TPRG1: variants seen among roughly 807,000 people sequenced by gnomAD.
TPRG1 encodes the protein tumor protein p63-regulated gene 1 protein.
In TPRG1, 29 loss-of-function variants were observed where a neutral mutation model predicts 29.3. The observed-to-expected ratio is 0.99, with a 90% CI of 0.74 to 1.35. The LOEUF is 1.35. Among genes scored for constraint, TPRG1 ranks in the 40% most tolerant of loss-of-function variants. The pLI, the probability that TPRG1 is intolerant of heterozygous loss-of-function variation, is 0.00. For synonymous variants in TPRG1, 130 were observed against 116.8 expected (o/e 1.11, Z -0.73); for missense variants, 327 against 335.0 (o/e 0.98, Z 0.19).
chr3:189,089,325 C>T (rs1039200808), intron 4 of TPRG1, among the ~76,000 whole-genome samples: 1 of 152,114 alleles, frequency 6.6e-6, no homozygotes, highest in Non-Finnish European at 1.5e-5. Context: ...TTTCAAGATT[C>T]TTCTGTAGTC....
intron 4 of TPRG1, among the ~76,000 whole-genome samples, chr3:189,244,497 C>A (rs978611361): frequency 2.0e-5 from 3 of 152,098 alleles, no homozygotes; most frequent in African/African-American, 4.8e-5. Context: ...TCTAGAGAGG[C>A]CTCAGGAAGT....
At chr3:189,049,493 A>G (rs1031164490) in intron 4 of TPRG1, among the ~76,000 whole-genome samples, 1 of 152,138 alleles carries the variant, frequency 6.6e-6, no homozygotes, top group African/African-American at 2.4e-5. Context: ...CCACAGCAAG[A>G]CTGGTCCGAG....
At chr3:189,137,140 A>G (rs540278706) in intron 3 of TPRG1, among the ~76,000 whole-genome samples, 50 of 152,332 alleles carry the variant, frequency 3.3e-4, no homozygotes, top group African/African-American at 1.2e-3. Flanking sequence ...TGATTTTGCC[A>G]CGCCTGCTTT....
chr3:189,251,517 G>T (rs1041122290), intron 4 of TPRG1, among the ~76,000 whole-genome samples: 1 of 152,092 alleles, frequency 6.6e-6, no homozygotes, highest in Non-Finnish European at 1.5e-5. Context: ...GGAGGATCCC[G>T]CCAGCCTCTG....
intron 4 of TPRG1, among the ~76,000 whole-genome samples, chr3:189,306,992 A>G (rs1391096972): frequency 6.6e-6 from 1 of 152,182 alleles, no homozygotes; most frequent in East Asian, 1.9e-4. Flanking sequence ...TAATTAACCC[A>G]TCATAGCAGC....
Position 189,051,256 on chromosome 3 carries a change from T to G in TPRG1, c.-463+27310T>G, listed in dbSNP as rs545392786. Among the ~76,000 whole-genome samples, 7 of 152,286 alleles carry G rather than the reference T, an allele frequency of 4.6e-5. No homozygotes were observed. The South Asian group carries it at 1.5e-3, about 32-fold the overall frequency. Reference sequence around the variant, plus strand: ...GCAAAGTTTCCAGATACAAGATTAATGTACACAAATCAGTAGCTCTTCTAT... The same window carrying G: ...GCAAAGTTTCCAGATACAAGATTAAGGTACACAAATCAGTAGCTCTTCTAT... On this transcript the variant is annotated intron_variant, in intron 4 of 10. Transcript: ENST00000433971.
At chr3:189,022,929 G>A (rs2152125489) in intron 3 of TPRG1, among the ~76,000 whole-genome samples, 1 of 152,328 alleles carries the variant, frequency 6.6e-6, no homozygotes, top group South Asian at 2.1e-4. Context: ...TAATCTCATG[G>A]TGCGCAGTTT....
upstream of TPRG1, among the ~76,000 whole-genome samples, chr3:189,171,070 C>G (rs191594933): frequency 3.9e-4 from 59 of 152,332 alleles, no homozygotes; most frequent in Non-Finnish European, 8.8e-5. Flanking sequence ...TTGTGCAGTT[C>G]ATACTTTATT....
intron 4 of TPRG1, among the ~76,000 whole-genome samples, chr3:189,246,687 A>T (rs1164806364): frequency 2.0e-5 from 3 of 152,086 alleles, no homozygotes; most frequent in East Asian, 3.8e-4. Context: ...GTGGTGATAC[A>T]TTCTCCTAGT....
In TPRG1 at chr3:189,158,932, T is replaced by TG. The variant is rs1727072537; in HGVS notation, c.-10+8060_-10+8061insG. ...AGCTCATCAAGTTTTTTTTTTGTTT[T>TG]TTTTTGTTTTTGTTTTTTTTGGTCT... On this transcript the variant is annotated intron_variant, in intron 5 of 6. Transcript: ENST00000412373. Among the ~76,000 whole-genome samples, 3 of 151,706 alleles carry TG rather than the reference T, an allele frequency of 2.0e-5. No homozygotes were observed. The South Asian group carries it at 6.2e-4, about 32-fold the overall frequency.
intron 5 of TPRG1, among the ~76,000 whole-genome samples, chr3:189,163,907 T>C (rs1339897702): frequency 1.3e-5 from 2 of 152,020 alleles, no homozygotes; most frequent in African/African-American, 4.8e-5. Flanking sequence ...CTGAAAACAA[T>C]TGGATAAGAT....
intron 4 of TPRG1, among the ~76,000 whole-genome samples, chr3:189,256,638 C>T (rs954063581): frequency 2.0e-5 from 3 of 152,276 alleles, no homozygotes; most frequent in Admixed American, 6.5e-5. Context: ...GTGTGGGAGT[C>T]TAAGTCTCTC....
At chr3:189,240,200 A>T (rs1740307062) in intron 4 of TPRG1, 1 of 152,174 alleles carries the variant, frequency 6.6e-6, no homozygotes, top group Non-Finnish European at 1.5e-5. Context: ...TAATTTATTA[A>T]GTTCATTAGC....
intron 4 of TPRG1, among the ~76,000 whole-genome samples, chr3:189,035,570 A>C (rs951397081): frequency 6.6e-6 from 1 of 152,122 alleles, no homozygotes; most frequent in Non-Finnish European, 1.5e-5. Flanking sequence ...TCTATAAGGA[A>C]CTTAATCCAG....
chr3:189,274,938 GTGTGT>G, intron 4 of TPRG1, among the ~76,000 whole-genome samples: 1 of 73,454 alleles, frequency 1.4e-5, no homozygotes, highest in African/African-American at 6.7e-5. Context: ...TGTAATGAGT[GTGTGT>G]GTGTGTGTGT....
chr3:189,135,286 A>T (rs1723607793), intron 3 of TPRG1, among the ~76,000 whole-genome samples: 1 of 152,170 alleles, frequency 6.6e-6, no homozygotes, highest in African/African-American at 2.4e-5. Flanking sequence ...GTTGTCCAGC[A>T]TCTTCTTGAG....
intron 5 of TPRG1, among the ~76,000 whole-genome samples, chr3:189,152,084 G>C (rs1726011227): frequency 6.6e-6 from 1 of 152,118 alleles, no homozygotes; most frequent in Non-Finnish European, 1.5e-5. Context: ...GGGACTGCAG[G>C]AGCTAGAGCA....
chr3:189,288,873 A>G (rs1718518779), intron 4 of TPRG1, among the ~76,000 whole-genome samples: 1 of 152,264 alleles, frequency 6.6e-6, no homozygotes, highest in Non-Finnish European at 1.5e-5. Flanking sequence ...TAATCAGCAT[A>G]AGATGGTCTT....
chr3:189,203,854 A>C (rs1475957592), intron 1 of TPRG1, among the ~76,000 whole-genome samples: 1 of 152,108 alleles, frequency 6.6e-6, no homozygotes, highest in African/African-American at 2.4e-5. Context: ...ATCCTGGCCA[A>C]CATGGTGAAA....
Sources: gnomAD v4.1 joint callset for allele counts (sites outside exome capture counted in the v4.1 genomes callset) on GRCh38, gnomAD v4.1.1 for gene constraint, MANE v1.5 for transcripts, NCBI Gene and HGNC (gene_info 2026-07-23, HGNC 2026-07-21) for gene names.